Variants in MCU observed in about 807,000 individuals in gnomAD.
MCU encodes the protein calcium uniporter protein, mitochondrial.
Under a neutral mutation model 45.2 loss-of-function variants are expected in MCU, and 12 were observed. That is an observed-to-expected ratio of 0.27 (90% confidence interval 0.17 to 0.43). MCU has a LOEUF of 0.43. MCU is among the 20% of genes least tolerant of loss of function. MCU has a pLI of 1.00. For synonymous variants in MCU, 160 were observed against 165.1 expected, an observed-to-expected ratio of 0.97 and a Z score of 0.24; for missense variants, 324 against 436.7, an observed-to-expected ratio of 0.74 and a Z score of 2.30.
At chr10:72,768,379 A>G (rs1843757866) in intron 1 of MCU, among the ~76,000 whole-genome samples, 2 of 152,332 alleles carry the variant, frequency 1.3e-5, no homozygotes, top group South Asian at 4.1e-4. Flanking sequence ...GTTTTTAAAA[A>G]CATTTATATA....
chr10:72,859,306 A>G lies in MCU; in HGVS notation c.350A>G (p.Glu117Gly). 6.2e-7 allele frequency: 1 copy of G among 1,613,838 alleles called. No homozygotes were observed. The highest frequency in any genetic ancestry group is 8.5e-7 in the Non-Finnish European group (1 of 1,179,924). The change falls in exon 3 of 8, where the codon GAA becomes GGA. Residue 117 changes from glutamate (E) to glycine (G), a missense_variant. Glu to Gly is a moderately conservative substitution (Grantham distance 98). This residue lies in a region of MCU where 135 missense variants were observed against 207.3 expected (regional missense o/e 0.65). Coordinates refer to ENST00000373053, the MANE Select transcript of MCU (RefSeq NM_138357.3). ...GGTGTATTTTTACGACAACTGCAAG[A>G]AGAGGATCGGGGAATTGACAGAGTT... ...SVGVFLRQLQ[E>G]EDRGIDRVAI...
At chr10:72,803,373 TAAA>T (rs966679457) in intron 1 of MCU, among the ~76,000 whole-genome samples, 2 of 151,648 alleles carry the variant, frequency 1.3e-5, no homozygotes, top group Non-Finnish European at 2.9e-5. Flanking sequence ...AACTTTCATT[TAAA>T]AATGCAGAAA....
intron 1 of MCU, among the ~76,000 whole-genome samples, chr10:72,788,675 A>G (rs569207071): frequency 6.6e-6 from 1 of 152,324 alleles, no homozygotes; most frequent in Admixed American, 6.5e-5. Flanking sequence ...TGATGAGTAA[A>G]GTTCATCTCG....
At chr10:72,705,982 C>CA (rs1298874217) in intron 1 of MCU, among the ~76,000 whole-genome samples, 16 of 149,136 alleles carry the variant, frequency 1.1e-4, no homozygotes, top group Admixed American at 5.3e-4. Context: ...GACTCTCTCT[C>CA]AAAAAAAAAG....
chr10:72,800,947 A>G (rs1254743468), intron 1 of MCU, among the ~76,000 whole-genome samples: 3 of 152,174 alleles, frequency 2.0e-5, no homozygotes, highest in African/African-American at 4.8e-5. Context: ...AAAAAATTAA[A>G]AAATTCGCTG....
intron 5 of MCU, 105 bp downstream of exon 5, chr10:72,868,968 C>A: frequency 8.4e-7 from 1 of 1,189,398 alleles, no homozygotes. Flanking sequence ...TCATGTCAAT[C>A]AAGTTAGTTC....
chr10:72,697,248 C>G (rs1842699523), intron 1 of MCU, among the ~76,000 whole-genome samples: 1 of 151,402 alleles, frequency 6.6e-6, no homozygotes, highest in Non-Finnish European at 1.5e-5. Context: ...TCCCAAGTAG[C>G]TGGGCATATA....
chr10:72,709,802 C>T (rs1183305774), intron 1 of MCU, among the ~76,000 whole-genome samples: 1 of 152,114 alleles, frequency 6.6e-6, no homozygotes, highest in African/African-American at 2.4e-5. Flanking sequence ...TTTAGTGTAA[C>T]ATATTACAGA....
chr10:72,872,410 A>G lies in MCU; in HGVS notation c.861+830A>G, dbSNP rs533074800. On this transcript the variant is annotated intron_variant, in intron 6 of 7. Transcript: ENST00000373053. The stretch of plus-strand genomic sequence containing the variant: ...TTTTCCCTATCCCCTTCTCTCCTCT[A>G]CCCTTCCCAGCCTCTGGTAAACATT... Among the ~76,000 whole-genome samples, 11 of 151,922 alleles carry G rather than the reference A, an allele frequency of 7.2e-5. 1 individual carries two copies. The South Asian group carries it at 2.3e-3, about 32-fold the overall frequency.
At chr10:72,862,948 CAT>C (rs1845401661) in intron 4 of MCU, among the ~76,000 whole-genome samples, 1 of 151,642 alleles carries the variant, frequency 6.6e-6, no homozygotes, top group Non-Finnish European at 1.5e-5. Flanking sequence ...TTGGGTCTAA[CAT>C]AGAAAAGTTC....
intron 1 of MCU, among the ~76,000 whole-genome samples, chr10:72,805,101 C>CTCTTTCTTTCTTTCTT (rs1161181455): frequency 0.055 from 5,725 of 103,372 alleles, 345 homozygotes; most frequent in Non-Finnish European, 0.061. Context: ...TTCTTTCTTT[C>CTCTTTCTTTCTTTCTT]TCTTTCTTTC....
In MCU at chr10:72,811,867, A is replaced by G. The variant is rs528683108; in HGVS notation, c.151-22492A>G. Among the ~76,000 whole-genome samples, 4 of 152,346 alleles carry G rather than the reference A, an allele frequency of 2.6e-5. No homozygotes were observed. In the South Asian group the frequency reaches 8.3e-4, roughly 32 times the overall value. Reference sequence around the variant, plus strand: ...GGCTTTTTCAGTATTATTTTCATATACATAGAATTCTGAATGCTGTCTTTT... The same window carrying G: ...GGCTTTTTCAGTATTATTTTCATATGCATAGAATTCTGAATGCTGTCTTTT... On this transcript the variant is annotated intron_variant, in intron 1 of 7. Transcript: ENST00000373053.
intron 1 of MCU, among the ~76,000 whole-genome samples, chr10:72,830,455 A>G (rs991719800): frequency 6.6e-6 from 1 of 152,214 alleles, no homozygotes; most frequent in Non-Finnish European, 1.5e-5. Context: ...ATTTCCTTTT[A>G]AGAGATACGG....
At chr10:72,831,463 T>G (rs1318471741) in intron 1 of MCU, among the ~76,000 whole-genome samples, 1 of 152,198 alleles carries the variant, frequency 6.6e-6, no homozygotes, top group Non-Finnish European at 1.5e-5. Context: ...TATAAAATTA[T>G]AGTTATAACA....
chr10:72,801,054 C>G (rs1844331747), intron 1 of MCU, among the ~76,000 whole-genome samples: 1 of 152,134 alleles, frequency 6.6e-6, no homozygotes, highest in Non-Finnish European at 1.5e-5. Context: ...GATTGCACCA[C>G]TGCACCCCAG....
intron 1 of MCU, among the ~76,000 whole-genome samples, chr10:72,734,504 C>T (rs969984850): frequency 7.9e-5 from 12 of 152,034 alleles, no homozygotes; most frequent in African/African-American, 2.7e-4. Flanking sequence ...TCACATATTC[C>T]GTTGGACTGC....
At chr10:72,776,350 C>T (rs1275425628) in intron 1 of MCU, among the ~76,000 whole-genome samples, 3 of 152,152 alleles carry the variant, frequency 2.0e-5, no homozygotes, top group Non-Finnish European at 4.4e-5. Context: ...TTCAACAACA[C>T]ATTAAAAAGA....
intron 1 of MCU, among the ~76,000 whole-genome samples, chr10:72,813,343 T>C (rs527315857): frequency 3.9e-5 from 6 of 151,982 alleles, no homozygotes; most frequent in African/African-American, 1.2e-4. Context: ...TAAACGACTC[T>C]GAAGACTGCA....
chr10:72,793,430 A>G (rs911707725), intron 1 of MCU, among the ~76,000 whole-genome samples: 25 of 152,156 alleles, frequency 1.6e-4, no homozygotes, highest in African/African-American at 6.0e-4. Flanking sequence ...AGTCCTATAT[A>G]CCTTTGTGGC....
Sources: allele counts gnomAD v4.1 joint callset (sites outside exome capture counted in the v4.1 genomes callset), GRCh38; gene constraint gnomAD v4.1.1; regional missense constraint gnomAD v4.1.1; transcripts MANE v1.5; gene names NCBI Gene and HGNC (gene_info 2026-07-23, HGNC 2026-07-21).